ASPRV1: variants seen among roughly 807,000 people sequenced by gnomAD.
ASPRV1 encodes retroviral-like aspartic protease 1.
A neutral mutation model predicts 11.0 loss-of-function variants in ASPRV1; 7 were observed. The ratio of observed to expected loss-of-function variants is 0.64; its 90% CI spans 0.36 to 1.20. ASPRV1 has a LOEUF of 1.20. Ranked by LOEUF, ASPRV1 falls within the 50% of genes most tolerant of loss-of-function variation. The pLI is 0.02. For missense variants in ASPRV1, 299 were observed against 320.0 expected (o/e 0.93, Z 0.50); for synonymous variants, 136 against 138.4 (o/e 0.98, Z 0.12).
the ASPRV1 span, among the ~76,000 whole-genome samples, chr2:69,951,178 C>A: frequency 6.6e-6 from 1 of 151,836 alleles, no homozygotes; most frequent in South Asian, 2.1e-4. Flanking sequence ...GTAATCCCAG[C>A]ACTTTGGGAG....
the ASPRV1 span, among the ~76,000 whole-genome samples, chr2:69,944,316 T>G: frequency 6.6e-6 from 1 of 152,212 alleles, no homozygotes; most frequent in Non-Finnish European, 1.5e-5. Context: ...AGTAGCTGGA[T>G]GAAAAAATGT....
the ASPRV1 span, among the ~76,000 whole-genome samples, chr2:70,042,504 G>A: frequency 2.6e-5 from 4 of 152,170 alleles, no homozygotes; most frequent in South Asian, 8.3e-4. Flanking sequence ...TCCAGGCAGA[G>A]GAACAAGACA....
the ASPRV1 span, among the ~76,000 whole-genome samples, chr2:70,045,107 C>T: frequency 3.3e-5 from 5 of 152,142 alleles, no homozygotes; most frequent in African/African-American, 9.7e-5. Flanking sequence ...TGGCTAAACA[C>T]GTCCCAACAA....
At chr2:69,949,270 TGAATGAATGAATGAATGAACGAATGAAC>T in the ASPRV1 span, among the ~76,000 whole-genome samples, 3 of 151,376 alleles carry the variant, frequency 2.0e-5, no homozygotes, top group Non-Finnish European at 3.0e-5. Flanking sequence ...AATGAATGAA[TGAATGAATGAATGAATGAACGAATGAAC>T]GAACGAATTA....
the ASPRV1 span, chr2:69,993,804 C>T: frequency 1.2e-4 from 19 of 152,212 alleles, no homozygotes; most frequent in Admixed American, 5.9e-4. Flanking sequence ...TTAATTACAA[C>T]CTTCCTTACA....
chr2:69,939,900 C>G, the ASPRV1 span: 5 of 152,636 alleles, frequency 3.3e-5, no homozygotes, highest in African/African-American at 1.2e-4. Flanking sequence ...TCGCACACAG[C>G]TAAGGTCAAA....
chr2:70,006,213 G>A, the ASPRV1 span, among the ~76,000 whole-genome samples: 7 of 152,146 alleles, frequency 4.6e-5, no homozygotes, highest in Admixed American at 4.6e-4. Flanking sequence ...GGGTAAAACT[G>A]TCCCTGTTTG....
At chr2:70,042,086 A>G in the ASPRV1 span, among the ~76,000 whole-genome samples, 1 of 147,456 alleles carries the variant, frequency 6.8e-6, no homozygotes, top group East Asian at 2.1e-4. Flanking sequence ...ATTTTAATAA[A>G]TATTCCTTCA....
the ASPRV1 span, among the ~76,000 whole-genome samples, chr2:69,937,778 C>T: frequency 6.6e-6 from 1 of 152,168 alleles, no homozygotes; most frequent in Non-Finnish European, 1.5e-5. Context: ...CAATGCCTGG[C>T]AAATTTTCCT....
chr2:69,981,426 T>C, the ASPRV1 span, among the ~76,000 whole-genome samples: 7 of 152,370 alleles, frequency 4.6e-5, no homozygotes, highest in Non-Finnish European at 1.0e-4. Context: ...TTTTAAACTA[T>C]GTACCATATA....
chr2:69,980,679 A>C, the ASPRV1 span, among the ~76,000 whole-genome samples: 2 of 152,252 alleles, frequency 1.3e-5, no homozygotes, highest in Non-Finnish European at 2.9e-5. Context: ...CTGGTTAGGT[A>C]AGATAGGAAC....
chr2:70,037,940 T>A, the ASPRV1 span, among the ~76,000 whole-genome samples: 1 of 152,250 alleles, frequency 6.6e-6, no homozygotes, highest in Non-Finnish European at 1.5e-5. Flanking sequence ...CCTAACACTA[T>A]CCTTTCCTGC....
chr2:70,005,957 G>C, the ASPRV1 span, among the ~76,000 whole-genome samples: 1 of 152,174 alleles, frequency 6.6e-6, no homozygotes, highest in Non-Finnish European at 1.5e-5. Flanking sequence ...TCTGCCCTTC[G>C]ATAGCCCAGG....
At chr2:70,019,507 A>T in the ASPRV1 span, among the ~76,000 whole-genome samples, 1 of 149,986 alleles carries the variant, frequency 6.7e-6, no homozygotes, top group East Asian at 2.0e-4. Context: ...ATATAAAATC[A>T]ATGTAAGTGT....
rs755091728 is a variant in ASPRV1 at position 69,960,919 on chromosome 2, C to T, written c.518G>A (p.Trp173Ter). 6.2e-7 allele frequency: 1 copy of T among 1,614,112 alleles called. No homozygotes were observed. Among genetic ancestry groups the T allele is most frequent in the Non-Finnish European group, 8.5e-7 (1 of 1,180,012 alleles). Residue 173 changes from tryptophan (W) to a stop codon, truncating the protein, a stop_gained, in exon 1 of 1, where the codon TGG (tryptophan) becomes TAG (stop). Transcript: ENST00000320256. LOFTEE classifies it high-confidence loss of function. Reference protein sequence around the residue: ...NGAEMKILGVWDTAVSLGKLK... With the variant: ...NGAEMKILGV ...CTTGCCTAGGGACACCGCTGTATCCCAGACACCCAGGATCTTCATTTCAGC... is the reference window on the plus strand; with the variant it reads ...CTTGCCTAGGGACACCGCTGTATCCTAGACACCCAGGATCTTCATTTCAGC...
chr2:70,037,580 T>G, the ASPRV1 span, among the ~76,000 whole-genome samples: 1 of 152,230 alleles, frequency 6.6e-6, no homozygotes, highest in Non-Finnish European at 1.5e-5. Flanking sequence ...CTATATGCTT[T>G]GTTAGTCACA....
the ASPRV1 span, chr2:70,049,193 CCCTCCCT>C: frequency 1.9e-5 from 2 of 103,176 alleles, no homozygotes; most frequent in Non-Finnish European, 3.6e-5. Context: ...CCCCCCTCCC[CCCTCCCT>C]CAAGTAAGAT....
At chr2:69,938,404 A>G in the ASPRV1 span, 1 of 1,019,594 alleles carries the variant, frequency 9.8e-7, no homozygotes, top group South Asian at 1.6e-5. Context: ...CTTGACCAAA[A>G]TCAGCTTTGT....
At chr2:70,067,415 T>A in the ASPRV1 span, among the ~76,000 whole-genome samples, 1 of 152,348 alleles carries the variant, frequency 6.6e-6, no homozygotes, top group East Asian at 1.9e-4. Context: ...GATTTGGGAA[T>A]CATCCACGTG....
Sources: allele counts gnomAD v4.1 joint callset (sites outside exome capture counted in the v4.1 genomes callset), GRCh38; gene constraint gnomAD v4.1.1; transcripts MANE v1.5; gene names NCBI Gene and HGNC (gene_info 2026-07-23, HGNC 2026-07-21).